The following CADPS variants were observed in gnomAD, a reference collection of about 807,000 sequenced individuals.
CADPS encodes calcium dependent secretion activator.
Under a neutral mutation model 167.3 loss-of-function variants are expected in CADPS, and 57 were observed. The observed-to-expected ratio is 0.34, with a 90% CI of 0.28 to 0.42. The LOEUF is 0.42. CADPS is among the 20% of genes least tolerant of loss of function. The pLI, the probability that CADPS is intolerant of heterozygous loss-of-function variation, is 1.00. For missense variants in CADPS, 1,414 were observed against 1,738.1 expected (o/e 0.81, Z 3.32); for synonymous variants, 676 against 635.3 (o/e 1.06, Z -0.96).
In CADPS at chr3:62,574,737, G is replaced by GTAAGCATCTT. The variant is rs572721183; in HGVS notation, c.1578-3800_1578-3799insAAGATGCTTA. 1.1e-4 allele frequency among the ~76,000 whole-genome samples: 17 copies of GTAAGCATCTT among 152,266 alleles called. No individual in the cohort carries two copies. In the East Asian group the frequency reaches 3.1e-3, roughly 28 times the overall value. On this transcript the variant is annotated intron_variant, in intron 8 of 29. Transcript: ENST00000383710. ...TGTTGGTCAAGATGCTTAACCTCTT[G>GTAAGCATCTT]GTGCTCTGTAAGACAGGTCAGTAAT...
At chr3:62,599,837 ATAT>A (rs1470507399) in intron 6 of CADPS, among the ~76,000 whole-genome samples, 1 of 2,238 alleles carries the variant, frequency 4.5e-4, no homozygotes, top group African/African-American at 5.3e-4. Context: ...TATATATAAT[ATAT>A]TATATATATA....
At chr3:62,471,582 C>G (rs758357346) in intron 24 of CADPS, among the ~76,000 whole-genome samples, 5 of 152,138 alleles carry the variant, frequency 3.3e-5, no homozygotes, top group African/African-American at 4.8e-5. Context: ...GTTTAACCAT[C>G]TGACCAGGTA....
At chr3:62,453,359 T>G (rs938512640) in intron 26 of CADPS, among the ~76,000 whole-genome samples, 3 of 152,084 alleles carry the variant, frequency 2.0e-5, no homozygotes, top group Non-Finnish European at 4.4e-5. Context: ...GGAACAAAAG[T>G]GATAGAATTT....
At chr3:62,516,971 G>C (rs1225962144) in intron 14 of CADPS, among the ~76,000 whole-genome samples, 1 of 152,056 alleles carries the variant, frequency 6.6e-6, no homozygotes, top group Admixed American at 6.6e-5. Context: ...TTATTATCGA[G>C]ACTGGCGTTA....
intron 1 of CADPS, among the ~76,000 whole-genome samples, chr3:62,790,374 T>C (rs2092827134): frequency 6.6e-6 from 1 of 152,194 alleles, no homozygotes; most frequent in African/African-American, 2.4e-5. Context: ...TTATAAATAT[T>C]GTAGCCCTAT....
intron 3 of CADPS, among the ~76,000 whole-genome samples, chr3:62,684,885 T>A (rs1228712287): frequency 6.6e-6 from 1 of 151,998 alleles, no homozygotes; most frequent in Admixed American, 6.6e-5. Flanking sequence ...GCTTTCAGAC[T>A]CTTCTGAGAA....
At position 62,640,425 on chromosome 3, in the gene CADPS, C is replaced by T. The variant is rs978729729; in HGVS notation, c.1325+5297G>A. On this transcript the variant is annotated intron_variant, in intron 6 of 29. Transcript: ENST00000383710. ...GGTATAATAAGCCTGGCCCATTCTA[C>T]ACTCTACCATTAGGATGAGTAATAT... Among the ~76,000 whole-genome samples, 11 of 152,174 alleles carry T rather than the reference C, an allele frequency of 7.2e-5. 1 individual carries two copies. Among genetic ancestry groups the T allele is most frequent in the Admixed American group, 5.2e-4 (8 of 15,260 alleles).
rs796436833 is a variant in CADPS, at chr3:62,421,246, C to T, written c.3777+16858G>A. 1.1e-4 allele frequency among the ~76,000 whole-genome samples: 17 copies of T among 151,286 alleles called. No homozygotes were observed. Among genetic ancestry groups the T allele is most frequent in the African/African-American group, 3.4e-4 (14 of 41,108 alleles). On this transcript the variant is annotated intron_variant, in intron 28 of 29. Coordinates refer to ENST00000383710, the MANE Select transcript of CADPS (RefSeq NM_003716.4). This position sits in a 1 kb window ranked among gnomAD's most constrained non-coding sequence, Gnocchi z 4.7. The stretch of plus-strand genomic sequence containing the variant: ...GGCTCCCTCCCCCTTCCTCCCCACA[C>T]CCCCCACCCTTTTGAGGTGACAGAA...
chr3:62,802,799 C>G (rs760703381), intron 1 of CADPS, among the ~76,000 whole-genome samples: 1 of 152,090 alleles, frequency 6.6e-6, no homozygotes, highest in Non-Finnish European at 1.5e-5. Context: ...CAATCTTTCC[C>G]AAGGGTCAAC....
Position 62,755,606 on chromosome 3 carries a change from G to GT in CADPS, c.556-1834dup, listed in dbSNP as rs200988992. Among the ~76,000 whole-genome samples, 421 of 151,696 alleles carry GT rather than the reference G, an allele frequency of 2.8e-3. 1 individual carries two copies. Among genetic ancestry groups the GT allele is most frequent in the African/African-American group, 9.4e-3 (389 of 41,360 alleles). On this transcript the variant is annotated intron_variant, in intron 2 of 29. Transcript: ENST00000383710. ...CAAAGCGTTTCTGGGGTGGAGAGAT[G>GT]TTTTTTTTTAAAAAGGCTCCGGTTT...
At chr3:62,858,129 CACA>C (rs2080063515) in intron 1 of CADPS, among the ~76,000 whole-genome samples, 1 of 152,136 alleles carries the variant, frequency 6.6e-6, no homozygotes, top group South Asian at 2.1e-4. Context: ...AATTGACTTA[CACA>C]ACAAGAAAAT....
intron 24 of CADPS, among the ~76,000 whole-genome samples, chr3:62,466,966 T>C (rs1417450002): frequency 6.6e-6 from 1 of 152,212 alleles, no homozygotes; most frequent in Non-Finnish European, 1.5e-5. Flanking sequence ...TGTCTCTTTC[T>C]GAACTCTTGT....
intron 17 of CADPS, 65 bp downstream of exon 17, chr3:62,512,685 CA>C: frequency 7.3e-7 from 1 of 1,373,926 alleles, no homozygotes; most frequent in Non-Finnish European, 1.0e-6. Flanking sequence ...CATTGAAAAA[CA>C]AAAACAAAAA....
At chr3:62,703,267 C>A (rs1293059691) in intron 3 of CADPS, among the ~76,000 whole-genome samples, 1 of 152,120 alleles carries the variant, frequency 6.6e-6, no homozygotes, top group African/African-American at 2.4e-5. Context: ...TCTAGCTGAA[C>A]GACCCAATGA....
intron 3 of CADPS, among the ~76,000 whole-genome samples, chr3:62,677,694 G>A (rs2076542035): frequency 6.6e-6 from 1 of 152,018 alleles, no homozygotes; most frequent in African/African-American, 2.4e-5. Flanking sequence ...TTGATTATGG[G>A]GGCAAAGAGA....
At chr3:62,531,471 C>G (rs2073671283) in intron 13 of CADPS, among the ~76,000 whole-genome samples, 1 of 152,066 alleles carries the variant, frequency 6.6e-6, no homozygotes, top group Non-Finnish European at 1.5e-5. Flanking sequence ...TTATCTAGCT[C>G]TAAATGTTGA....
intron 4 of CADPS, among the ~76,000 whole-genome samples, chr3:62,654,795 A>T (rs2071127679): frequency 6.6e-6 from 1 of 152,128 alleles, no homozygotes; most frequent in Non-Finnish European, 1.5e-5. Flanking sequence ...TAAGTGGGGA[A>T]TTTCTGATTT....
intron 3 of CADPS, among the ~76,000 whole-genome samples, chr3:62,737,599 G>A (rs962513775): frequency 6.6e-6 from 1 of 152,194 alleles, no homozygotes; most frequent in Non-Finnish European, 1.5e-5. Context: ...ACACCTAAGA[G>A]CTTCTTATAA....
chr3:62,601,649 G>T lies in CADPS; in HGVS notation c.1326-8901C>A, dbSNP rs577937095. Among the ~76,000 whole-genome samples, 1 of 152,140 alleles carries T rather than the reference G, an allele frequency of 6.6e-6. No homozygotes were observed. Among genetic ancestry groups the T allele is most frequent in the South Asian group, 2.1e-4 (1 of 4,832 alleles). On this transcript the variant is annotated intron_variant, in intron 6 of 29. Transcript: ENST00000383710. This position sits in a 1 kb window ranked among gnomAD's most constrained non-coding sequence, Gnocchi z 4.3. ...TTGTGTATCATAGCATTTCAGACAC[G>T]TGGTGCCCAAATGCTGCTTCCTGAT...
Sources: gnomAD v4.1 joint callset for allele counts (sites outside exome capture counted in the v4.1 genomes callset) on GRCh38, gnomAD v4.1.1 for gene constraint, Gnocchi (gnomAD v3.1) non-coding constraint, MANE v1.5 for transcripts, NCBI Gene and HGNC (gene_info 2026-07-23, HGNC 2026-07-21) for gene names.